ASAH1: variants seen among roughly 807,000 people sequenced by gnomAD.
ASAH1 encodes the protein acid ceramidase.
ASAH1 carries 70 observed loss-of-function variants against 59.5 expected under a neutral mutation model. The ratio of observed to expected loss-of-function variants is 1.18; its 90% confidence interval spans 0.97 to 1.43. The LOEUF (loss-of-function observed/expected upper bound fraction) is 1.43, where lower values mean the gene tolerates loss of function less well. Among genes scored for constraint, ASAH1 ranks in the 40% most tolerant of loss-of-function variants. ASAH1 has a pLI of 0.00. For synonymous variants in ASAH1, 213 were observed against 166.5 expected (o/e 1.28, Z -2.15); for missense variants, 660 against 482.5 (o/e 1.37, Z -3.45).
At chr8:18,080,233 A>G (rs2283119) in intron 1 of ASAH1, among the ~76,000 whole-genome samples, 1 of 152,106 alleles carries the variant, frequency 6.6e-6, no homozygotes, top group East Asian at 1.9e-4. Context: ...GCTGTTAACT[A>G]GTATGAGAAG....
chr8:18,083,549 A>C (rs1800751656), intron 1 of ASAH1: 1 of 252,790 alleles, frequency 4.0e-6, no homozygotes, highest in African/African-American at 2.3e-5. Context: ...ACGGCCCTGC[A>C]GTATCCTGGG....
intron 5 of ASAH1, 81 bp downstream of exon 5, chr8:18,067,139 C>A: frequency 2.7e-6 from 3 of 1,126,464 alleles, no homozygotes; most frequent in South Asian, 1.5e-5. Context: ...AGCACCTGTG[C>A]TGTATGTATA....
chr8:18,067,015 G>A (rs1799953419), intron 5 of ASAH1: 2 of 459,348 alleles, frequency 4.4e-6, no homozygotes, highest in Non-Finnish European at 7.9e-6. Context: ...GTGGAGTGCT[G>A]GGCTCTTCCG....
upstream of ASAH1, chr8:18,084,604 G>A (rs1347433905): frequency 1.9e-6 from 3 of 1,601,110 alleles, no homozygotes; most frequent in Non-Finnish European, 2.6e-6. Flanking sequence ...TCAGGGACAA[G>A]GAGCAGTTGA....
chr8:18,081,856 A>G (rs955378194), intron 1 of ASAH1, among the ~76,000 whole-genome samples: 1 of 152,192 alleles, frequency 6.6e-6, no homozygotes, highest in Admixed American at 6.5e-5. Context: ...AAACTTCTGT[A>G]AGGTTCTAAA....
rs1799615913 is a variant in ASAH1, at chr8:18,059,757, T to C, written c.786-54A>G. On this transcript the variant is annotated intron_variant, in intron 10 of 13. Transcript: ENST00000637790. The stretch of plus-strand genomic sequence containing the variant: ...GAAACTTTTTTTTAATTTTAGTAAA[T>C]AACTTCATTTATTTTTAAATTTTAC... The C allele has an allele frequency of 3.4e-6, 5 of 1,477,602 alleles. No homozygotes were observed. The African/African-American group carries it at 7.1e-5, about 21-fold the overall frequency. 91.5% of individuals were successfully genotyped at this position (1,477,602 alleles called of 1,614,324 possible).
chr8:18,076,982 T>C (rs962451227), intron 1 of ASAH1, among the ~76,000 whole-genome samples: 2 of 152,228 alleles, frequency 1.3e-5, no homozygotes, highest in African/African-American at 2.4e-5. Context: ...ATCAAGTCTG[T>C]AGCAAAAGCT....
intron 5 of ASAH1, chr8:18,067,005 G>A (rs1350457295): frequency 2.7e-6 from 1 of 367,842 alleles, no homozygotes; most frequent in Non-Finnish European, 5.1e-6. Flanking sequence ...ATGGAGCATC[G>A]TGGAGTGCTG....
At chr8:18,063,444 C>A in intron 6 of ASAH1, 1 of 507,980 alleles carries the variant, frequency 2.0e-6, no homozygotes, top group Non-Finnish European at 3.5e-6. Flanking sequence ...GTTGGGATTA[C>A]AGACATGTGC....
At chr8:18,080,024 T>C (rs1260037295) in intron 1 of ASAH1, among the ~76,000 whole-genome samples, 3 of 152,228 alleles carry the variant, frequency 2.0e-5, no homozygotes, top group African/African-American at 7.2e-5. Context: ...TTTAGGAGTC[T>C]GGCACATAGT....
At chr8:18,070,011 C>T (rs1181048364) in intron 3 of ASAH1, 133 bp from the exon 4 acceptor site, 13 of 561,590 alleles carry the variant, frequency 2.3e-5, no homozygotes, top group African/African-American at 1.3e-4. Context: ...AACAGCATCT[C>T]GCTCTGTCAC....
chr8:18,061,598 G>A, intron 9 of ASAH1, 88 bp downstream of exon 9: 1 of 1,484,898 alleles, frequency 6.7e-7, no homozygotes, highest in Non-Finnish European at 9.3e-7. Flanking sequence ...ACCGGAAGAG[G>A]TTGGACTTTG....
intron 6 of ASAH1, 24 bp downstream of exon 6, chr8:18,064,433 C>G: frequency 7.6e-5 from 99 of 1,310,102 alleles, no homozygotes; most frequent in Non-Finnish European, 9.2e-5. Context: ...TCATGCTGCC[C>G]ACCCTCCCTC....
upstream of ASAH1, chr8:18,084,844 G>C: frequency 6.2e-7 from 1 of 1,608,072 alleles, no homozygotes; most frequent in East Asian, 2.2e-5. Context: ...GACTCAGGTG[G>C]GCGGAGCAGA....
In ASAH1 at chr8:18,057,368, A is replaced by G. The variant is rs1490781679; in HGVS notation, c.*166T>C. On this transcript the variant is annotated 3_prime_UTR_variant, in exon 14 of 14. Coordinates refer to ENST00000637790, the MANE Select transcript of ASAH1 (RefSeq NM_177924.5). The stretch of plus-strand genomic sequence containing the variant: ...AAAAATCAACTGATAGGGGGAAAAA[A>G]AAAAGATCTGTCATTTGTCAACAGA... 6.4e-6 allele frequency: 3 copies of G among 469,504 alleles called. No individual in the cohort carries two copies. Among genetic ancestry groups the G allele is most frequent in the Non-Finnish European group, 1.2e-5 (3 of 249,038 alleles). The allele number at this position is 469,504 out of a possible 1,614,324, so 29.1% of individuals were successfully genotyped here.
intron 1 of ASAH1, among the ~76,000 whole-genome samples, chr8:18,083,712 C>T (rs1245600435): frequency 6.6e-6 from 1 of 152,248 alleles, no homozygotes; most frequent in Non-Finnish European, 1.5e-5. Flanking sequence ...TCACTCAAAT[C>T]TAAGAATGTG....
chr8:18,083,323 C>G (rs1157319689), intron 1 of ASAH1: 1 of 153,178 alleles, frequency 6.5e-6, no homozygotes, highest in African/African-American at 2.4e-5. Flanking sequence ...TATTTTCTCA[C>G]TCTAGGTCTA....
intron 7 of ASAH1, 140 bp from the exon 8 acceptor site, chr8:18,062,563 G>T: frequency 1.0e-6 from 1 of 960,490 alleles, no homozygotes; most frequent in Non-Finnish European, 1.6e-6. Flanking sequence ...TTACAATATG[G>T]TATATTTATT....
intron 1 of ASAH1, among the ~76,000 whole-genome samples, chr8:18,079,283 AAAAAAC>A (rs1800548010): frequency 6.6e-6 from 1 of 151,456 alleles, no homozygotes; most frequent in Non-Finnish European, 1.5e-5. Flanking sequence ...AGAAAAAAAA[AAAAAAC>A]AAAAAACTCT....
Sources: allele counts gnomAD v4.1 joint callset (sites outside exome capture counted in the v4.1 genomes callset), GRCh38; gene constraint gnomAD v4.1.1; transcripts MANE v1.5; gene names NCBI Gene and HGNC (gene_info 2026-07-23, HGNC 2026-07-21).